The following TMEM132D variants were observed in gnomAD, a reference collection of about 807,000 sequenced individuals.
The protein encoded by TMEM132D is mature OL transmembrane protein.
A neutral mutation model predicts 62.3 loss-of-function variants in TMEM132D; 21 were observed. That is an observed-to-expected ratio of 0.34 (90% CI 0.24 to 0.49). TMEM132D has a LOEUF of 0.49. Among genes scored for constraint, TMEM132D ranks in the 20% least tolerant of loss-of-function variants. The pLI is 0.99. For synonymous variants in TMEM132D, 621 were observed against 575.6 expected (o/e 1.08, Z -1.13); for missense variants, 1,346 against 1,402.8 (o/e 0.96, Z 0.65).
At position 129,073,801 on chromosome 12, in the gene TMEM132D, G is replaced by T; in HGVS notation, c.*74C>A. ...GTCCTGCTGCTTTGTTTCTCTTCCG[G>T]GGGCACCGTTGCTACACATCCTGGA... On this transcript the variant is annotated 3_prime_UTR_variant, in exon 9 of 9. Transcript: ENST00000422113. 1.5e-6 allele frequency: 2 copies of T among 1,310,248 alleles called. No individual in the cohort carries two copies. Among genetic ancestry groups the T allele is most frequent in the Non-Finnish European group, 2.1e-6 (2 of 949,070 alleles). 81.2% of individuals were successfully genotyped at this position (1,310,248 alleles called of 1,614,324 possible).
Position 129,553,892 on chromosome 12 carries a change from A to G in TMEM132D, c.969-22687T>C, listed in dbSNP as rs375555481. Among the ~76,000 whole-genome samples, 33 of 152,252 alleles carry G rather than the reference A, an allele frequency of 2.2e-4. 2 individuals carry two copies. The South Asian group carries it at 6.6e-3, about 31-fold the overall frequency. On this transcript the variant is annotated intron_variant, in intron 2 of 8. Transcript: ENST00000422113. ...AACGCAAGTGGACTCCATGGGAGAA[A>G]TGTCACTTCCCATGCTTTGCGTATG...
intron 4 of TMEM132D, among the ~76,000 whole-genome samples, chr12:129,239,597 A>G (rs1879879048): frequency 6.6e-6 from 1 of 152,210 alleles, no homozygotes; most frequent in Non-Finnish European, 1.5e-5. Context: ...TGCTGCCCAT[A>G]TAAGAAGAGA....
At chr12:129,752,482 T>A (rs1372187523) in intron 1 of TMEM132D, among the ~76,000 whole-genome samples, 1 of 152,238 alleles carries the variant, frequency 6.6e-6, no homozygotes, top group African/African-American at 2.4e-5. Flanking sequence ...ATAAGACCTT[T>A]ATGTCCACAT....
intron 3 of TMEM132D, among the ~76,000 whole-genome samples, chr12:129,466,891 C>T (rs1354887279): frequency 6.6e-6 from 1 of 152,072 alleles, no homozygotes. Context: ...CAGATATATC[C>T]AGGTTTGCAT....
chr12:129,412,033 A>C (rs7302083), intron 3 of TMEM132D, among the ~76,000 whole-genome samples: 31,305 of 152,090 alleles, frequency 0.21, 3,715 homozygotes, highest in African/African-American at 0.32. Flanking sequence ...ATTTTTTTGA[A>C]AATTACTCTG....
intron 1 of TMEM132D, among the ~76,000 whole-genome samples, chr12:129,858,535 C>T (rs1372666518): frequency 1.6e-4 from 7 of 43,122 alleles, no homozygotes; most frequent in Admixed American, 4.5e-4. Flanking sequence ...GGGATGGGTG[C>T]CCTTGTAACA....
At chr12:129,667,357 G>T (rs948404869) in intron 2 of TMEM132D, among the ~76,000 whole-genome samples, 1 of 152,100 alleles carries the variant, frequency 6.6e-6, no homozygotes, top group Non-Finnish European at 1.5e-5. Flanking sequence ...ATAATGAAAG[G>T]GTTTTGTTTT....
chr12:129,600,977 G>A (rs1941490892), intron 2 of TMEM132D, among the ~76,000 whole-genome samples: 1 of 152,174 alleles, frequency 6.6e-6, no homozygotes, highest in African/African-American at 2.4e-5. Context: ...GTCCTTTGAA[G>A]CCAGAAACTG....
At chr12:129,274,821 A>T (rs1791862992) in intron 4 of TMEM132D, among the ~76,000 whole-genome samples, 1 of 152,228 alleles carries the variant, frequency 6.6e-6, no homozygotes, top group Non-Finnish European at 1.5e-5. Flanking sequence ...CGGGAGGCGG[A>T]GCTTGCAGTG....
At chr12:129,882,281 A>G (rs1415612663) in intron 1 of TMEM132D, among the ~76,000 whole-genome samples, 1 of 152,114 alleles carries the variant, frequency 6.6e-6, no homozygotes, top group African/African-American at 2.4e-5. Context: ...AGCCCGTAGT[A>G]CCCTAACACC....
chr12:129,719,566 C>A (rs1868735376), intron 1 of TMEM132D, among the ~76,000 whole-genome samples: 1 of 152,194 alleles, frequency 6.6e-6, no homozygotes, highest in South Asian at 2.1e-4. Context: ...TCACACGGGA[C>A]ACATTTCTGG....
intron 1 of TMEM132D, among the ~76,000 whole-genome samples, chr12:129,886,555 C>T (rs1236770270): frequency 6.6e-6 from 1 of 152,188 alleles, no homozygotes; most frequent in African/African-American, 2.4e-5. Context: ...TTAAACAGCA[C>T]TGATCTACAT....
chr12:129,109,243 G>A (rs1875604086), intron 5 of TMEM132D, among the ~76,000 whole-genome samples: 1 of 152,160 alleles, frequency 6.6e-6, no homozygotes, highest in Non-Finnish European at 1.5e-5. Flanking sequence ...GGCATTGCTA[G>A]GCTCTGGATC....
chr12:129,781,873 A>T (rs1871130837), intron 1 of TMEM132D, among the ~76,000 whole-genome samples: 1 of 152,150 alleles, frequency 6.6e-6, no homozygotes, highest in South Asian at 2.1e-4. Context: ...ATGAGAAAAG[A>T]TCCTGTTTGG....
intron 3 of TMEM132D, among the ~76,000 whole-genome samples, chr12:129,526,747 G>T (rs1876054874): frequency 6.6e-6 from 1 of 152,188 alleles, no homozygotes; most frequent in Non-Finnish European, 1.5e-5. Flanking sequence ...CAGGAAGGTT[G>T]CCTAAAAAGA....
At chr12:129,513,737 A>T (rs994955187) in intron 3 of TMEM132D, among the ~76,000 whole-genome samples, 1 of 150,534 alleles carries the variant, frequency 6.6e-6, no homozygotes, top group Non-Finnish European at 1.5e-5. Flanking sequence ...CGCCCGTCTC[A>T]GCCTCTCAAA....
Position 129,583,684 on chromosome 12 carries a change from G to T in TMEM132D, c.969-52479C>A, listed in dbSNP as rs185706770. On this transcript the variant is annotated intron_variant, in intron 2 of 8. Transcript: ENST00000422113. ...GCTATGAGGATAGAGAAAGACCCGTGGGGGGTGAGCTTGCCTTAGACAGAG... is the reference window on the plus strand; with the variant it reads ...GCTATGAGGATAGAGAAAGACCCGTTGGGGGTGAGCTTGCCTTAGACAGAG... Among the ~76,000 whole-genome samples, 1,285 of 152,128 alleles carry T rather than the reference G, an allele frequency of 8.4e-3. 10 individuals are homozygous for T. Among genetic ancestry groups the T allele is most frequent in the South Asian group, 0.034 (166 of 4,814 alleles).
chr12:129,422,209 C>A (rs77931072), intron 3 of TMEM132D, among the ~76,000 whole-genome samples: 6 of 151,118 alleles, frequency 4.0e-5, no homozygotes, highest in African/African-American at 1.5e-4. Context: ...AAGCAAGAGA[C>A]AAAAAAAGAA....
At chr12:129,286,811 G>A (rs1417482837) in intron 4 of TMEM132D, among the ~76,000 whole-genome samples, 2 of 152,180 alleles carry the variant, frequency 1.3e-5, no homozygotes, top group Non-Finnish European at 2.9e-5. Flanking sequence ...ATGTCGGGAG[G>A]CCAAGGCAGG....
Sources: gnomAD v4.1 joint callset for allele counts (sites outside exome capture counted in the v4.1 genomes callset) on GRCh38, gnomAD v4.1.1 for gene constraint, MANE v1.5 for transcripts, NCBI Gene and HGNC (gene_info 2026-07-23, HGNC 2026-07-21) for gene names.